PROX1: variants seen among roughly 807,000 people sequenced by gnomAD.
PROX1 encodes the protein prospero homeobox 1.
Under a neutral mutation model 58.8 loss-of-function variants are expected in PROX1, and 7 were observed. That is an observed-to-expected ratio of 0.12 (90% CI 0.07 to 0.22). PROX1 has a LOEUF of 0.22. Among genes scored for constraint, PROX1 ranks in the 10% least tolerant of loss-of-function variants. The pLI is 1.00. For missense variants in PROX1, 675 were observed against 927.8 expected, an observed-to-expected ratio of 0.73 and a Z score of 3.54; for synonymous variants, 350 against 358.3, an observed-to-expected ratio of 0.98 and a Z score of 0.26.
At chr1:214,032,750 T>G (rs758763360) in intron 4 of PROX1, among the ~76,000 whole-genome samples, 1 of 152,152 alleles carries the variant, frequency 6.6e-6, no homozygotes, top group Non-Finnish European at 1.5e-5. Flanking sequence ...AGGCTCCTTA[T>G]CTAGAGACAC....
chr1:213,992,801 G>T (rs909432178), intron 1 of PROX1, among the ~76,000 whole-genome samples: 2 of 152,154 alleles, frequency 1.3e-5, no homozygotes, highest in South Asian at 2.1e-4. Flanking sequence ...TGCAGTAAAA[G>T]TTGAATCCTC....
chr1:213,985,295 C>T (rs1040662867), upstream of PROX1: 1 of 152,220 alleles, frequency 6.6e-6, no homozygotes, highest in African/African-American at 2.4e-5. Flanking sequence ...AGATAGGGGG[C>T]TCGGGCCTCA....
chr1:214,003,827 A>G (rs1212277956), intron 2 of PROX1, among the ~76,000 whole-genome samples: 1 of 152,184 alleles, frequency 6.6e-6, no homozygotes, highest in Non-Finnish European at 1.5e-5. Flanking sequence ...CTTCTCTAGT[A>G]ACTTTCTGGT....
chr1:213,989,329 C>T (rs938791986), intron 1 of PROX1, among the ~76,000 whole-genome samples: 1 of 151,942 alleles, frequency 6.6e-6, no homozygotes, highest in Non-Finnish European at 1.5e-5. Context: ...CACCGGGAGG[C>T]TCGGGGGGTC....
intron 4 of PROX1, among the ~76,000 whole-genome samples, chr1:214,019,300 C>T (rs1009866204): frequency 2.0e-5 from 3 of 152,114 alleles, no homozygotes; most frequent in Non-Finnish European, 4.4e-5. Flanking sequence ...GCAACATTGA[C>T]ATCCGTGATC....
At chr1:214,014,893 T>C (rs1341455461) in intron 4 of PROX1, among the ~76,000 whole-genome samples, 1 of 152,204 alleles carries the variant, frequency 6.6e-6, no homozygotes, top group Non-Finnish European at 1.5e-5. Context: ...CTGCTGCTGA[T>C]GGCTCTCAAG....
In PROX1 at chr1:213,997,088, AG is replaced by A; in HGVS notation, c.557del (p.Gly186AlafsTer13). Reference sequence around the variant, plus strand: ...GAGCCATTCCCCCAGTGTGGCATTAAGGGGCAATGAAAATGAAAGAGAGATG... The same window carrying A: ...GAGCCATTCCCCCAGTGTGGCATTAAGGGCAATGAAAATGAAAGAGAGATG... ...GMSHSPSVAL[R>X]GNENEREMAP... On this transcript the variant is annotated frameshift_variant, in exon 2 of 5. Coordinates refer to ENST00000366958, the MANE Select transcript of PROX1 (RefSeq NM_001270616.2). LOFTEE classifies it high-confidence loss of function. This position sits in a 1 kb window ranked among gnomAD's most constrained non-coding sequence, Gnocchi z 7.1. 1 of 1,613,960 alleles carries A rather than the reference AG, an allele frequency of 6.2e-7. No individual in the cohort carries two copies. The highest frequency in any genetic ancestry group is 8.5e-7 in the Non-Finnish European group (1 of 1,179,972).
chr1:213,998,895 A>G (rs1663389261), intron 2 of PROX1, among the ~76,000 whole-genome samples: 1 of 152,004 alleles, frequency 6.6e-6, no homozygotes, highest in Non-Finnish European at 1.5e-5. Flanking sequence ...AAGGAAATAT[A>G]CAGGTACTGA....
chr1:214,023,018 A>C (rs545739996), intron 4 of PROX1, among the ~76,000 whole-genome samples: 2 of 152,284 alleles, frequency 1.3e-5, no homozygotes, highest in South Asian at 4.2e-4. Flanking sequence ...TTTTCTCCCA[A>C]GGCCCTATTT....
At position 213,997,450 on chromosome 1, in the gene PROX1, A is replaced by G; in HGVS notation, c.915A>G (p.Gly305=). The G allele has an allele frequency of 6.2e-7, 1 of 1,614,120 alleles. No homozygotes were observed. Among genetic ancestry groups the G allele is most frequent in the Non-Finnish European group, 8.5e-7 (1 of 1,180,016 alleles). The change falls in exon 2 of 5, where the codon GGA becomes GGG. Residue 305 remains glycine, a synonymous_variant. Transcript: ENST00000366958. This position sits in a 1 kb window ranked among gnomAD's most constrained non-coding sequence, Gnocchi z 7.1. ...SDNEMCELDP[G]QFIDRARALI... is the part of the protein sequence containing the mutation. ...ATGAGATGTGCGAGCTAGACCCAGG[A>G]CAGTTTATTGACCGAGCTCGAGCCC...
chr1:214,033,749 A>T (rs765406786), intron 4 of PROX1, among the ~76,000 whole-genome samples: 7 of 152,236 alleles, frequency 4.6e-5, no homozygotes, highest in Non-Finnish European at 7.4e-5. Context: ...TAGAATGTGG[A>T]GGATTATCTT....
rs1036508288 is a variant in PROX1, at chr1:214,038,282, C to T, written c.*2448C>T. ...CTTTGTTCTGAAAATAGAACTTTAT[C>T]ACTATGCTTTCCGGTGGTTTTCCCT... On this transcript the variant is annotated 3_prime_UTR_variant, in exon 5 of 5. Transcript: ENST00000366958. The T allele has an allele frequency of 1.3e-5, 2 of 152,164 alleles. No individual in the cohort carries two copies. Among genetic ancestry groups the T allele is most frequent in the Non-Finnish European group, 2.9e-5 (2 of 68,020 alleles). The allele number at this position is 152,164 out of a possible 1,614,324, so 9.4% of individuals were successfully genotyped here.
Position 213,998,230 on chromosome 1 carries a change from G to A in PROX1, c.1695G>A (p.Met565Ile). Residue 565 changes from methionine to isoleucine, a missense_variant, in exon 2 of 5, where the codon ATG (methionine) becomes ATA (isoleucine). Around this residue, in one of 8 missense-constraint regions of PROX1, gnomAD observed 39 missense variants for 73.4 expected, o/e 0.53. Transcript: ENST00000366958. ...IKSECGDLQDMSEISPYSGSA... is the reference protein window; with the variant it reads ...IKSECGDLQDISEISPYSGSA... Reference sequence around the variant, plus strand: ...CCGAGTGCGGCGATCTTCAAGATATGTCTGAAATATCACCTTATTCGGGAA... The same window carrying A: ...CCGAGTGCGGCGATCTTCAAGATATATCTGAAATATCACCTTATTCGGGAA... The A allele has an allele frequency of 6.3e-7, 1 of 1,585,184 alleles. No individual in the cohort carries two copies. The highest frequency in any genetic ancestry group is 8.6e-7 in the Non-Finnish European group (1 of 1,165,432).
At chr1:213,989,260 G>GGT (rs1662930594) in intron 1 of PROX1, among the ~76,000 whole-genome samples, 1 of 151,906 alleles carries the variant, frequency 6.6e-6, no homozygotes, top group Non-Finnish European at 1.5e-5. Flanking sequence ...AACGCGCGCG[G>GGT]CGCCCCTCTT....
At chr1:214,009,497 T>A (rs1663833897) in intron 3 of PROX1, among the ~76,000 whole-genome samples, 1 of 152,218 alleles carries the variant, frequency 6.6e-6, no homozygotes, top group Non-Finnish European at 1.5e-5. Flanking sequence ...CGACTAAAAC[T>A]GAACAAATTT....
At chr1:214,024,065 A>G (rs980552257) in intron 4 of PROX1, among the ~76,000 whole-genome samples, 7 of 151,904 alleles carry the variant, frequency 4.6e-5, no homozygotes, top group African/African-American at 7.3e-5. Context: ...ACTGCCTTTC[A>G]ACAAGGCCAG....
rs1213316045 is a variant in PROX1 at position 213,988,398 on chromosome 1, C to T, written c.-153C>T. ...CACTCGCGTGTTTTCCTCTCTCTGC[C>T]GGGGGAAAAAAAAGAGAGAGAGAGA... is the stretch of plus-strand genomic sequence containing the variant. On this transcript the variant is annotated 5_prime_UTR_variant, in exon 1 of 5. Coordinates refer to ENST00000366958, the MANE Select transcript of PROX1 (RefSeq NM_001270616.2). 9.2e-6 allele frequency: 1 copy of T among 109,012 alleles called. No homozygotes were observed. The highest frequency in any genetic ancestry group is 3.0e-4 in the East Asian group (1 of 3,282). 6.8% of individuals were successfully genotyped at this position (109,012 alleles called of 1,614,324 possible).
chr1:214,004,885 A>C (rs2102714963), intron 2 of PROX1, among the ~76,000 whole-genome samples: 1 of 152,342 alleles, frequency 6.6e-6, no homozygotes, highest in African/African-American at 2.4e-5. Context: ...ACCGACCTAA[A>C]GCAAGGAAAA....
At position 214,040,517 on chromosome 1, in the gene PROX1, A is replaced by G. The variant is rs1411006841; in HGVS notation, c.*4683A>G. On this transcript the variant is annotated 3_prime_UTR_variant, in exon 5 of 5. Coordinates refer to ENST00000366958, the MANE Select transcript of PROX1 (RefSeq NM_001270616.2). ...ATATTACGACTTCAAATTTAGAACT[A>G]AGAAAAAAATGTATTTGGGATTGGT... 1 of 152,190 alleles carries G rather than the reference A, an allele frequency of 6.6e-6. No individual in the cohort carries two copies. The highest frequency in any genetic ancestry group is 1.5e-5 in the Non-Finnish European group (1 of 68,030). The allele number at this position is 152,190 out of a possible 1,614,324, so 9.4% of individuals were successfully genotyped here. A position where few individuals can be genotyped will look rare whatever the true frequency, so the allele number is the denominator to read the frequency against.
Sources: gnomAD v4.1 joint callset for allele counts (sites outside exome capture counted in the v4.1 genomes callset) on GRCh38, gnomAD v4.1.1 for gene constraint, gnomAD v4.1.1 regional missense constraint, Gnocchi (gnomAD v3.1) non-coding constraint, MANE v1.5 for transcripts, NCBI Gene and HGNC (gene_info 2026-07-23, HGNC 2026-07-21) for gene names.